The following CFAP47 variants were observed in gnomAD, a reference collection of about 807,000 sequenced individuals.
The protein encoded by CFAP47 is cilia- and flagella-associated protein 47.
Under a neutral mutation model 148.1 loss-of-function variants are expected in CFAP47, and 29 were observed. The ratio of observed to expected loss-of-function variants is 0.20; its 90% CI spans 0.15 to 0.27. CFAP47 has a LOEUF of 0.27. CFAP47 is among the 10% of genes least tolerant of loss of function. The pLI, the probability that CFAP47 is intolerant of heterozygous loss-of-function variation, is 1.00. For synonymous variants in CFAP47, 664 were observed against 577.3 expected, an observed-to-expected ratio of 1.15 and a Z score of -2.15; for missense variants, 1,872 against 1,697.5, an observed-to-expected ratio of 1.10 and a Z score of -1.81.
At chrX:36,157,019 C>G (rs187314877) in intron 37 of CFAP47, among the ~76,000 whole-genome samples, 1 of 110,180 alleles carries the variant, frequency 9.1e-6, no homozygotes, top group African/African-American at 3.3e-5. Context: ...CAGCTTCCAT[C>G]GAGATCCAAT....
At chrX:36,354,089 G>A (rs782633881) in intron 60 of CFAP47, among the ~76,000 whole-genome samples, 47 of 111,820 alleles carry the variant, frequency 4.2e-4, no homozygotes, top group South Asian at 7.4e-4. Context: ...TAAAGAAATA[G>A]AAAATGAACA....
At chrX:36,190,884 C>T (rs1258138998) in intron 42 of CFAP47, among the ~76,000 whole-genome samples, 3 of 111,148 alleles carry the variant, frequency 2.7e-5, no homozygotes, top group Non-Finnish European at 5.7e-5. Flanking sequence ...CATGTGTTGA[C>T]CTTAGGAAGA....
chrX:36,291,955 G>A (rs1441321482), intron 51 of CFAP47, among the ~76,000 whole-genome samples: 1 of 110,865 alleles, frequency 9.0e-6, no homozygotes, highest in Non-Finnish European at 1.9e-5. Flanking sequence ...CCTAGGGATC[G>A]GTCCTTGCAA....
At chrX:36,202,561 C>T (rs1282139315) in intron 44 of CFAP47, among the ~76,000 whole-genome samples, 1 of 111,462 alleles carries the variant, frequency 9.0e-6, no homozygotes, top group African/African-American at 3.3e-5. Context: ...CTACCTCTCT[C>T]AGTTACTTCA....
intron 2 of CFAP47, among the ~76,000 whole-genome samples, chrX:35,927,182 T>C (rs1251700552): frequency 1.8e-5 from 2 of 110,229 alleles, no homozygotes; most frequent in African/African-American, 6.6e-5. Flanking sequence ...TCCCTTTCTT[T>C]TTCATTTCTA....
chrX:35,921,865 G>A (rs146688727), intron 1 of CFAP47, among the ~76,000 whole-genome samples: 1,222 of 111,332 alleles, frequency 0.011, 10 homozygotes, highest in Non-Finnish European at 0.018. Flanking sequence ...CTCAGAAAAT[G>A]ATTCCTCTAA....
chrX:36,040,148 C>G (rs955839165), intron 25 of CFAP47, among the ~76,000 whole-genome samples: 10 of 111,715 alleles, frequency 9.0e-5, no homozygotes, highest in African/African-American at 2.9e-4. Context: ...AGAGATATAA[C>G]AGCATAACCA....
Position 36,293,298 on chromosome X carries a change from T to A in CFAP47, c.7687-5679T>A, listed in dbSNP as rs782657107. Among the ~76,000 whole-genome samples, 5 of 112,456 alleles carry A rather than the reference T, an allele frequency of 4.4e-5. No individual in the cohort carries two copies. In the South Asian group the frequency reaches 1.8e-3, roughly 41 times the overall value. ...GGTTGCTGTCCTGTTTATTTAAGACTCTCTAAATATAGTATTCAGAGTATA... is the reference window on the plus strand; with the variant it reads ...GGTTGCTGTCCTGTTTATTTAAGACACTCTAAATATAGTATTCAGAGTATA... On this transcript the variant is annotated intron_variant, in intron 51 of 63. Transcript: ENST00000378653.
intron 8 of CFAP47, among the ~76,000 whole-genome samples, chrX:35,956,614 G>C (rs1463077039): frequency 1.8e-5 from 2 of 111,700 alleles, no homozygotes; most frequent in African/African-American, 6.5e-5. Context: ...ATTGAAGCTT[G>C]AGTAGAATTT....
At chrX:36,120,175 T>C (rs1473614189) in intron 33 of CFAP47, among the ~76,000 whole-genome samples, 1 of 107,631 alleles carries the variant, frequency 9.3e-6, no homozygotes, top group African/African-American at 3.4e-5. Flanking sequence ...GTAATTTTTT[T>C]TTTTTTGTAT....
At chrX:36,158,918 G>A (rs1391373780) in intron 37 of CFAP47, among the ~76,000 whole-genome samples, 1 of 111,614 alleles carries the variant, frequency 9.0e-6, no homozygotes, top group Non-Finnish European at 1.9e-5. Flanking sequence ...GTCTTAGACT[G>A]CCAAATTGAA....
rs978243992 is a variant in CFAP47 at position 36,200,352 on chromosome X, T to G, written c.6322-27T>G. The G allele has an allele frequency of 4.8e-5, 14 of 294,499 alleles. No individual in the cohort carries two copies. The Admixed American group carries it at 5.0e-4, about 10-fold the overall frequency. The allele number at this position is 294,499 out of a possible 1,213,427, so 24.3% of individuals were successfully genotyped here. On this transcript the variant is annotated intron_variant, in intron 42 of 63. Coordinates refer to ENST00000378653, the MANE Select transcript of CFAP47 (RefSeq NM_001304548.2). ...ATATTTTTATGAGAGATTTTGAAAT[T>G]TAATACTATAATGTCTTGTGTTTTA...
chrX:36,232,874 C>T (rs1227943572), intron 46 of CFAP47, among the ~76,000 whole-genome samples: 2 of 112,044 alleles, frequency 1.8e-5, no homozygotes, highest in African/African-American at 6.5e-5. Context: ...CGTTATGTAT[C>T]CAGTAGTCAT....
intron 24 of CFAP47, among the ~76,000 whole-genome samples, chrX:36,036,817 G>GCT (rs896795339): frequency 1.8e-5 from 2 of 110,558 alleles, no homozygotes; most frequent in African/African-American, 6.6e-5. Context: ...ATTGAAGTGT[G>GCT]CTCTCTCTCT....
chrX:36,040,216 T>C (rs1937386876), intron 25 of CFAP47, among the ~76,000 whole-genome samples: 1 of 112,020 alleles, frequency 8.9e-6, no homozygotes, highest in African/African-American at 3.2e-5. Context: ...AGGTAAAGTG[T>C]GTTTTTAAGA....
intron 49 of CFAP47, among the ~76,000 whole-genome samples, chrX:36,272,066 G>A (rs1454844036): frequency 9.0e-6 from 1 of 111,725 alleles, no homozygotes; most frequent in Non-Finnish European, 1.9e-5. Context: ...AATTGTGACT[G>A]AAAAGTTAAA....
chrX:36,171,814 G>A (rs1374094753), intron 39 of CFAP47, among the ~76,000 whole-genome samples: 1 of 111,017 alleles, frequency 9.0e-6, no homozygotes, highest in East Asian at 2.8e-4. Context: ...CTTTAAAGTA[G>A]TTTTTTCCAA....
intron 30 of CFAP47, among the ~76,000 whole-genome samples, chrX:36,091,988 G>A (rs1392370919): frequency 2.7e-5 from 3 of 110,960 alleles, no homozygotes; most frequent in Admixed American, 9.7e-5. Flanking sequence ...CTGAATCTCC[G>A]TTAGGAAATA....
chrX:35,956,302 A>G (rs1316002739), intron 8 of CFAP47, 106 bp downstream of exon 8: 4 of 615,588 alleles, frequency 6.5e-6, no homozygotes, highest in Non-Finnish European at 7.5e-6. Flanking sequence ...GTGTTTATAA[A>G]TTGTTTCTCT....
Sources: gnomAD v4.1 joint callset for allele counts (sites outside exome capture counted in the v4.1 genomes callset) on GRCh38, gnomAD v4.1.1 for gene constraint, MANE v1.5 for transcripts, NCBI Gene and HGNC (gene_info 2026-07-23, HGNC 2026-07-21) for gene names.